The following CEBPZ variants were observed in gnomAD, a reference collection of about 807,000 sequenced individuals.
CEBPZ encodes the protein CCAAT enhancer binding protein zeta, also known as CCAAT/enhancer-binding protein zeta.
Under a neutral mutation model 104.5 loss-of-function variants are expected in CEBPZ, and 78 were observed. The ratio of observed to expected loss-of-function variants is 0.75; its 90% CI spans 0.62 to 0.90. The LOEUF (loss-of-function observed/expected upper bound fraction) is 0.90. Ranked by LOEUF, CEBPZ falls within the 40% of genes least tolerant of loss-of-function variation. The pLI, the probability that CEBPZ is intolerant of heterozygous loss-of-function variation, is 0.00. For synonymous variants in CEBPZ, 470 were observed against 427.0 expected, an observed-to-expected ratio of 1.10 and a Z score of -1.24; for missense variants, 1,439 against 1,233.5, an observed-to-expected ratio of 1.17 and a Z score of -2.50.
rs532915869 is a variant in CEBPZ, at chr2:37,211,926, A to G, written c.2717T>C (p.Met906Thr). 1.6e-5 allele frequency: 26 copies of G among 1,613,670 alleles called. No homozygotes were observed. The East Asian group carries it at 4.2e-4, about 26-fold the overall frequency. The change falls in exon 12 of 16, where the codon ATG becomes ACG. Residue 906 changes from methionine (M) to threonine (T), a missense_variant. Coordinates refer to ENST00000234170, the MANE Select transcript of CEBPZ (RefSeq NM_005760.3). ...AACTTCAGCAAATTCTTCATCATCC[A>G]TACTTCCTAAAGAAACTTCATCGTC... ...LDDDEVSLGS[M>T]DDEEFAEVDE...
At chr2:37,219,981 T>TA (rs985126659) in intron 5 of CEBPZ, among the ~76,000 whole-genome samples, 3 of 151,954 alleles carry the variant, frequency 2.0e-5, no homozygotes, top group Middle Eastern at 3.2e-3. Context: ...ATAATTATCA[T>TA]AAAAAAACAA....
chr2:37,212,838 A>G (rs1303030925), intron 10 of CEBPZ, among the ~76,000 whole-genome samples: 3 of 149,328 alleles, frequency 2.0e-5, no homozygotes, highest in Non-Finnish European at 4.4e-5. Context: ...TCTCTATTAA[A>G]AAAAAAAAAA....
intron 1 of CEBPZ, among the ~76,000 whole-genome samples, chr2:37,230,252 T>C (rs1205092353): frequency 2.6e-5 from 4 of 152,174 alleles, no homozygotes; most frequent in African/African-American, 9.7e-5. Flanking sequence ...TGTATATATA[T>C]GGTACCATTT....
chr2:37,212,122 A>G (rs755961752), intron 11 of CEBPZ, 83 bp from the exon 12 acceptor site: 5 of 1,209,396 alleles, frequency 4.1e-6, no homozygotes, highest in Non-Finnish European at 4.6e-6. Context: ...GCAGTAGGCT[A>G]TTAAATGACT....
chr2:37,231,377 G>A, intron 1 of CEBPZ, 35 bp downstream of exon 1: 2 of 1,612,646 alleles, frequency 1.2e-6, no homozygotes, highest in Non-Finnish European at 1.7e-6. Context: ...AACTCTCCAC[G>A]CCTGATCCCG....
rs145996359 is a variant in CEBPZ, at chr2:37,223,171, G to A, written c.1880C>T (p.Pro627Leu). 2.0e-5 allele frequency: 32 copies of A among 1,609,850 alleles called. No homozygotes were observed. The highest frequency in any genetic ancestry group is 1.7e-4 in the Middle Eastern group (1 of 6,046). ...TTAAAAAGCAGTTGTAAAATATACC[G>A]GATGATCATCTAGTTGGCTTCTTAA... is the stretch of plus-strand genomic sequence containing the variant. ...PGLRSQLDDH[P>L]ESDDEENFID... The change falls in exon 3 of 16, where the codon CCG (proline) becomes CTG (leucine). Residue 627 changes from proline to leucine, a missense_variant and splice_region_variant. Physicochemically the swap from Pro to Leu is moderately conservative, Grantham distance 98. Coordinates refer to ENST00000234170, the MANE Select transcript of CEBPZ (RefSeq NM_005760.3).
chr2:37,203,271 T>C (rs1347902958), intron 13 of CEBPZ: 1 of 260,708 alleles, frequency 3.8e-6, no homozygotes. Flanking sequence ...GATCGAAGTT[T>C]TACCCATAAG....
Position 37,201,688 on chromosome 2 carries a change from G to T in CEBPZ, c.*76C>A. ...AGTCTGGAATGTATGGAATCAGAGA[G>T]CTAGATCAAAAAACATGGTTGAACA... On this transcript the variant is annotated 3_prime_UTR_variant, in exon 16 of 16. Coordinates refer to ENST00000234170, the MANE Select transcript of CEBPZ (RefSeq NM_005760.3). The T allele has an allele frequency of 1.1e-6, 1 of 877,128 alleles. No individual in the cohort carries two copies. The highest frequency in any genetic ancestry group is 1.9e-6 in the Non-Finnish European group (1 of 530,758). 54.3% of individuals were successfully genotyped at this position (877,128 alleles called of 1,614,324 possible). A position where few individuals can be genotyped will look rare whatever the true frequency, so the allele number is the denominator to read the frequency against.
At chr2:37,212,468 A>T (rs1677753904) in intron 10 of CEBPZ, 76 bp from the exon 11 acceptor site, 2 of 1,227,424 alleles carry the variant, frequency 1.6e-6, no homozygotes, top group African/African-American at 3.0e-5. Context: ...TGAATCAATT[A>T]TTCTAAGTCA....
chr2:37,202,080 A>T (rs1470101073), intron 15 of CEBPZ, 177 bp from the exon 16 acceptor site: 1 of 427,540 alleles, frequency 2.3e-6, no homozygotes, highest in East Asian at 3.5e-5. Flanking sequence ...TGTCAAAGAT[A>T]AATGTTTCAA....
Position 37,215,058 on chromosome 2 carries a change from G to C in CEBPZ, c.2381-106C>G, listed in dbSNP as rs1430262867. The stretch of plus-strand genomic sequence containing the variant: ...ATAATCTGTAATTCTAAAAATCTCA[G>C]AATTGTGTGGGAAGGTAGACAGAAG... On this transcript the variant is annotated intron_variant, in intron 8 of 15. Transcript: ENST00000234170. 6.6e-6 allele frequency: 5 copies of C among 753,512 alleles called. No homozygotes were observed. The African/African-American group carries it at 8.8e-5, about 13-fold the overall frequency. The allele number at this position is 753,512 out of a possible 1,614,324, so 46.7% of individuals were successfully genotyped here. A position where few individuals can be genotyped will look rare whatever the true frequency, so the allele number is the denominator to read the frequency against.
In CEBPZ at chr2:37,223,185, T is replaced by C. The variant is rs752253742; in HGVS notation, c.1866A>G (p.Gln622=). The change falls in exon 3 of 16, where the codon CAA becomes CAG. Residue 622 remains glutamine (Q), a synonymous_variant. Coordinates refer to ENST00000234170, the MANE Select transcript of CEBPZ (RefSeq NM_005760.3). Reference sequence around the variant, plus strand: ...TAAAATATACCGGATGATCATCTAGTTGGCTTCTTAAACCTGGTTTTGCTT... The same window carrying C: ...TAAAATATACCGGATGATCATCTAGCTGGCTTCTTAAACCTGGTTTTGCTT... ...ILKAKPGLRS[Q]LDDHPESDDE... 3 of 1,613,366 alleles carry C rather than the reference T, an allele frequency of 1.9e-6. No individual in the cohort carries two copies. The highest frequency in any genetic ancestry group is 2.2e-5 in the South Asian group (2 of 91,022).
intron 2 of CEBPZ, among the ~76,000 whole-genome samples, chr2:37,225,387 C>A (rs1037581439): frequency 6.6e-5 from 10 of 151,638 alleles, no homozygotes; most frequent in Non-Finnish European, 1.3e-4. Context: ...TAGGAGACTC[C>A]ATTTTGTTAT....
At chr2:37,208,691 G>C (rs1347831139) in intron 13 of CEBPZ, among the ~76,000 whole-genome samples, 1 of 152,048 alleles carries the variant, frequency 6.6e-6, no homozygotes, top group African/African-American at 2.4e-5. Flanking sequence ...ACATTATACT[G>C]AACAGGGAAA....
chr2:37,217,187 C>A, intron 5 of CEBPZ, 150 bp from the exon 6 acceptor site: 1 of 627,488 alleles, frequency 1.6e-6, no homozygotes, highest in Non-Finnish European at 2.8e-6. Flanking sequence ...TGCTTGAGCC[C>A]AGAAGTTGAG....
chr2:37,215,519 G>C (rs1446075618), intron 8 of CEBPZ: 1 of 152,342 alleles, frequency 6.6e-6, no homozygotes, highest in Non-Finnish European at 1.5e-5. Context: ...CTAACTGTGG[G>C]TAAGTCCTTT....
At chr2:37,203,137 T>C (rs1677363129) in intron 13 of CEBPZ, 129 bp from the exon 14 acceptor site, 4 of 564,404 alleles carry the variant, frequency 7.1e-6, no homozygotes, top group East Asian at 3.2e-5. Flanking sequence ...TCTGGCACCA[T>C]TGGGTAGCTG....
intron 8 of CEBPZ, 87 bp downstream of exon 8, chr2:37,216,053 G>A: frequency 9.9e-7 from 1 of 1,005,906 alleles, no homozygotes; most frequent in Non-Finnish European, 1.5e-6. Flanking sequence ...GTTTTATTCT[G>A]ATAAATTAGA....
In CEBPZ at chr2:37,220,465, G is replaced by A; in HGVS notation, c.2074C>T (p.Gln692Ter). The change falls in exon 5 of 16, where the codon CAG becomes TAG. Residue 692 changes from glutamine (Q) to a stop codon, truncating the protein, a stop_gained. Coordinates refer to ENST00000234170, the MANE Select transcript of CEBPZ (RefSeq NM_005760.3). LOFTEE classifies it high-confidence loss of function. ...VHFDNLKGGK[Q>*]LNKYDPFSRN... is the part of the protein sequence containing the mutation. The stretch of plus-strand genomic sequence containing the variant: ...CTGAATGGATCGTATTTATTTAACT[G>A]TTTCCCACCTAGGAATAACAAAAAA... 1 of 1,578,538 alleles carries A rather than the reference G, an allele frequency of 6.3e-7. No individual in the cohort carries two copies. Among genetic ancestry groups the A allele is most frequent in the Non-Finnish European group, 8.7e-7 (1 of 1,154,136 alleles).
Sources: gnomAD v4.1 joint callset for allele counts (sites outside exome capture counted in the v4.1 genomes callset) on GRCh38, gnomAD v4.1.1 for gene constraint, MANE v1.5 for transcripts, NCBI Gene and HGNC (gene_info 2026-07-23, HGNC 2026-07-21) for gene names.